CDK8: variants seen among roughly 807,000 people sequenced by gnomAD.
The protein encoded by CDK8 is cyclin-dependent kinase 8.
CDK8 carries 29 observed loss-of-function variants against 71.5 expected under a neutral mutation model. The observed-to-expected ratio is 0.41, with a 90% CI of 0.30 to 0.55. The LOEUF (loss-of-function observed/expected upper bound fraction) is 0.55, where lower values mean the gene tolerates loss of function less well. Ranked by LOEUF, CDK8 falls within the 20% of genes least tolerant of loss-of-function variation. The pLI is 0.37. For synonymous variants in CDK8, 161 were observed against 192.1 expected (o/e 0.84, Z 1.34); for missense variants, 288 against 572.6 (o/e 0.50, Z 5.07).
chr13:26,300,448 T>C (rs1873773898), intron 1 of CDK8, among the ~76,000 whole-genome samples: 1 of 152,162 alleles, frequency 6.6e-6, no homozygotes, highest in South Asian at 2.1e-4. Flanking sequence ...TGTTTATTTC[T>C]AGAAGTTTCC....
At chr13:26,310,487 G>A (rs1490401716) in intron 1 of CDK8, among the ~76,000 whole-genome samples, 1 of 152,048 alleles carries the variant, frequency 6.6e-6, no homozygotes, top group African/African-American at 2.4e-5. Flanking sequence ...GGTTCCATCT[G>A]GGAGTGATGG....
intron 1 of CDK8, among the ~76,000 whole-genome samples, chr13:26,294,101 T>C (rs1383871791): frequency 6.6e-6 from 1 of 151,188 alleles, no homozygotes; most frequent in South Asian, 2.1e-4. Flanking sequence ...CCAGATTTCC[T>C]TGTTTTTAAA....
At chr13:26,266,031 G>C (rs1872004018) in intron 1 of CDK8, among the ~76,000 whole-genome samples, 1 of 152,164 alleles carries the variant, frequency 6.6e-6, no homozygotes, top group South Asian at 2.1e-4. Flanking sequence ...GATAGGACTT[G>C]TTGATTTATT....
chr13:26,391,002 A>G (rs1313809276), intron 6 of CDK8, among the ~76,000 whole-genome samples: 1 of 135,948 alleles, frequency 7.4e-6, no homozygotes, highest in Non-Finnish European at 1.6e-5. Context: ...GGCACAATCT[A>G]AAAAAAAAAA....
At position 26,291,584 on chromosome 13, in the gene CDK8, C is replaced by G. The variant is rs1873302145; in HGVS notation, c.128+36815C>G. ...ACAGCAACTCTGGGCCCAATTCTCC[C>G]TACCTCATGATTTTTGATTACAAGA... On this transcript the variant is annotated intron_variant, in intron 1 of 12. Coordinates refer to ENST00000381527, the MANE Select transcript of CDK8 (RefSeq NM_001260.3). Among the ~76,000 whole-genome samples, 4 of 152,138 alleles carry G rather than the reference C, an allele frequency of 2.6e-5. No individual in the cohort carries two copies. In the South Asian group the frequency reaches 8.3e-4, roughly 32 times the overall value.
At chr13:26,353,450 G>A (rs1266573293) in intron 3 of CDK8, among the ~76,000 whole-genome samples, 1 of 150,554 alleles carries the variant, frequency 6.6e-6, no homozygotes, top group Non-Finnish European at 1.5e-5. Flanking sequence ...AGTATACTCT[G>A]AAAGTAATTG....
At chr13:26,385,957 T>TC (rs1565995254) in intron 6 of CDK8, among the ~76,000 whole-genome samples, 1 of 152,142 alleles carries the variant, frequency 6.6e-6, no homozygotes, top group Non-Finnish European at 1.5e-5. Context: ...TCCTTTAACT[T>TC]AAGACAAATG....
intron 4 of CDK8, among the ~76,000 whole-genome samples, chr13:26,379,791 G>A (rs1190103535): frequency 6.6e-6 from 1 of 152,212 alleles, no homozygotes; most frequent in Non-Finnish European, 1.5e-5. Flanking sequence ...TGTACCTCTG[G>A]AGAAGGTAGT....
intron 1 of CDK8, among the ~76,000 whole-genome samples, chr13:26,312,684 C>G (rs571979677): frequency 6.6e-6 from 1 of 152,174 alleles, no homozygotes; most frequent in Admixed American, 6.5e-5. Flanking sequence ...TTGAAGTCAG[C>G]GAGACCAAGA....
intron 4 of CDK8, among the ~76,000 whole-genome samples, chr13:26,354,951 G>C (rs1405573537): frequency 1.3e-5 from 2 of 151,956 alleles, no homozygotes; most frequent in African/African-American, 2.4e-5. Context: ...GTTTATAAAG[G>C]CACCTTCATT....
At chr13:26,374,161 A>C (rs548658713) in intron 4 of CDK8, among the ~76,000 whole-genome samples, 20 of 152,158 alleles carry the variant, frequency 1.3e-4, no homozygotes, top group Admixed American at 3.9e-4. Flanking sequence ...AGATCACGCG[A>C]CTGCACTCCA....
chr13:26,327,260 G>T (rs191445491), intron 1 of CDK8, among the ~76,000 whole-genome samples: 476 of 152,170 alleles, frequency 3.1e-3, no homozygotes, highest in African/African-American at 9.9e-3. Context: ...TTATCAATAA[G>T]AATTTTTATA....
intron 1 of CDK8, among the ~76,000 whole-genome samples, chr13:26,268,620 T>C (rs893137821): frequency 5.3e-5 from 8 of 152,184 alleles, no homozygotes; most frequent in Non-Finnish European, 1.0e-4. Flanking sequence ...TATGCCACCA[T>C]ACTTAGCTAA....
chr13:26,372,668 A>G (rs1032562782), intron 4 of CDK8, among the ~76,000 whole-genome samples: 49 of 151,820 alleles, frequency 3.2e-4, no homozygotes, highest in African/African-American at 1.1e-3. Flanking sequence ...CTGGACCCAT[A>G]CTCCCTGTAT....
intron 1 of CDK8, among the ~76,000 whole-genome samples, chr13:26,263,171 T>C (rs890635482): frequency 1.3e-5 from 2 of 152,182 alleles, no homozygotes; most frequent in Admixed American, 6.5e-5. Context: ...AGTCTCGCTC[T>C]GTTGCCCAGG....
At chr13:26,277,039 T>C (rs928540161) in intron 1 of CDK8, among the ~76,000 whole-genome samples, 1 of 152,184 alleles carries the variant, frequency 6.6e-6, no homozygotes, top group Non-Finnish European at 1.5e-5. Context: ...AATAAAAGAA[T>C]GCTTGAGTAA....
intron 1 of CDK8, among the ~76,000 whole-genome samples, chr13:26,263,787 C>G (rs1871894379): frequency 6.8e-6 from 1 of 146,930 alleles, no homozygotes; most frequent in Non-Finnish European, 1.5e-5. Flanking sequence ...CGCTATGTCA[C>G]CCAGCCTGGA....
At chr13:26,371,536 A>G (rs1874684598) in intron 4 of CDK8, among the ~76,000 whole-genome samples, 1 of 152,188 alleles carries the variant, frequency 6.6e-6, no homozygotes, top group African/African-American at 2.4e-5. Context: ...TAGCAGAAGG[A>G]TTAAAGTAGT....
chr13:26,382,706 G>C (rs1346466785), intron 4 of CDK8, 108 bp from the exon 5 acceptor site: 3 of 649,216 alleles, frequency 4.6e-6, no homozygotes, highest in Non-Finnish European at 7.7e-6. Context: ...TTTAATTTTT[G>C]AATAAATGAG....
Sources: allele counts gnomAD v4.1 joint callset (sites outside exome capture counted in the v4.1 genomes callset), GRCh38; gene constraint gnomAD v4.1.1; transcripts MANE v1.5; gene names NCBI Gene and HGNC (gene_info 2026-07-23, HGNC 2026-07-21).